Variants in CALN1 observed in about 807,000 individuals in gnomAD.
CALN1 encodes the protein calcium-binding protein 8.
A neutral mutation model predicts 30.6 loss-of-function variants in CALN1; 17 were observed. The ratio of observed to expected loss-of-function variants is 0.56; its 90% CI spans 0.38 to 0.83. The LOEUF (loss-of-function observed/expected upper bound fraction) is 0.83. Ranked by LOEUF, CALN1 falls within the 40% of genes least tolerant of loss-of-function variation. The probability of loss-of-function intolerance (pLI) is 0.00; values close to 1 mark genes in which losing one functional copy is unlikely to be tolerated. For synonymous variants in CALN1, 156 were observed against 131.4 expected, an observed-to-expected ratio of 1.19 and a Z score of -1.28; for missense variants, 291 against 354.9, an observed-to-expected ratio of 0.82 and a Z score of 1.45.
chr7:72,194,028 A>G (rs921720102), intron 3 of CALN1, among the ~76,000 whole-genome samples: 1 of 152,200 alleles, frequency 6.6e-6, no homozygotes, highest in East Asian at 1.9e-4. Context: ...TGATGGGTGC[A>G]CCAAAATCTC....
chr7:72,392,093 T>C (rs1805615705), intron 2 of CALN1, among the ~76,000 whole-genome samples: 1 of 152,226 alleles, frequency 6.6e-6, no homozygotes, highest in African/African-American at 2.4e-5. Context: ...TAGGATGCTC[T>C]TCTTACAACC....
intron 4 of CALN1, chr7:72,103,313 G>T: frequency 5.6e-6 from 1 of 178,746 alleles, no homozygotes; most frequent in Non-Finnish European, 1.2e-5. Context: ...AAGCTAGTCA[G>T]CTATGACTCT....
intron 3 of CALN1, among the ~76,000 whole-genome samples, chr7:72,117,010 G>C (rs1808032016): frequency 6.6e-6 from 1 of 152,098 alleles, no homozygotes; most frequent in South Asian, 2.1e-4. Flanking sequence ...CAGGTCGTAG[G>C]GGGATTAAAA....
At chr7:71,885,161 CTTT>C (rs963193767) in intron 5 of CALN1, among the ~76,000 whole-genome samples, 5 of 151,852 alleles carry the variant, frequency 3.3e-5, no homozygotes, top group Non-Finnish European at 7.4e-5. Context: ...TTTCTTTTTT[CTTT>C]TTTTTGAGAC....
intron 5 of CALN1, among the ~76,000 whole-genome samples, chr7:71,931,592 A>G (rs866551996): frequency 1.9e-4 from 29 of 152,340 alleles, no homozygotes; most frequent in Admixed American, 7.2e-4. Flanking sequence ...CTTGGGCCCT[A>G]CGAAAACAGG....
rs865959703 is a variant in CALN1, at chr7:71,847,743, G to A, written c.502-37251C>T. On this transcript the variant is annotated intron_variant, in intron 5 of 6. Coordinates refer to ENST00000395275, the MANE Select transcript of CALN1 (RefSeq NM_031468.4). ...AGAAGAAGAAAGAAGAAAGAAGAAA[G>A]AAGAAGAAAGAAGAAAGAAGAAGAA... Among the ~76,000 whole-genome samples, 141 of 94,580 alleles carry A rather than the reference G, an allele frequency of 1.5e-3. 1 individual carries two copies. Among genetic ancestry groups the A allele is most frequent in the African/African-American group, 5.6e-3 (139 of 24,754 alleles). The allele number at this position is 94,580 out of a possible 152,430, so 62.0% of individuals were successfully genotyped here. A position where few individuals can be genotyped will look rare whatever the true frequency, so the allele number is the denominator to read the frequency against.
chr7:71,974,696 G>A lies in CALN1; in HGVS notation c.501+48961C>T, dbSNP rs776098604. ...GCAAGTTCTGGGGAACAAACCATCC[G>A]CAGAGATGTCTGTGACTTGGAAAGT... On this transcript the variant is annotated intron_variant, in intron 5 of 6. Transcript: ENST00000395275. 5.3e-5 allele frequency among the ~76,000 whole-genome samples: 8 copies of A among 152,132 alleles called. No individual in the cohort carries two copies. The East Asian group carries it at 7.7e-4, about 15-fold the overall frequency.
At chr7:72,458,890 T>C in the CALN1 span, among the ~76,000 whole-genome samples, 1 of 143,062 alleles carries the variant, frequency 7.0e-6, no homozygotes, top group South Asian at 2.1e-4. Flanking sequence ...TTGTTTGTTT[T>C]GGTTTTTTTG....
At chr7:71,830,440 C>T (rs1392397590) in intron 5 of CALN1, among the ~76,000 whole-genome samples, 1 of 152,074 alleles carries the variant, frequency 6.6e-6, no homozygotes, top group African/African-American at 2.4e-5. Flanking sequence ...CTCTGCCGCC[C>T]AGGTTCAAGC....
At chr7:72,230,956 T>C (rs940966701) in intron 3 of CALN1, among the ~76,000 whole-genome samples, 1 of 152,146 alleles carries the variant, frequency 6.6e-6, no homozygotes, top group African/African-American at 2.4e-5. Context: ...TTCATGTGCA[T>C]GCCATTCCAA....
chr7:72,027,731 ACACAC>A (rs373025695), intron 4 of CALN1, among the ~76,000 whole-genome samples: 28,095 of 139,926 alleles, frequency 0.2, 3,280 homozygotes, highest in African/African-American at 0.38. Flanking sequence ...AAACAAACAC[ACACAC>A]ACACACACAC....
chr7:72,246,153 G>A (rs1273902183), intron 3 of CALN1, among the ~76,000 whole-genome samples: 1 of 152,110 alleles, frequency 6.6e-6, no homozygotes, highest in African/African-American at 2.4e-5. Context: ...TGGGTCTTGG[G>A]ATGAAGGAAT....
At chr7:71,845,336 A>G (rs1450901024) in intron 5 of CALN1, among the ~76,000 whole-genome samples, 1 of 152,258 alleles carries the variant, frequency 6.6e-6, no homozygotes, top group African/African-American at 2.4e-5. Flanking sequence ...TCTGCCAGAA[A>G]GCAAGAACTG....
chr7:72,494,933 A>C, the CALN1 span, among the ~76,000 whole-genome samples: 1 of 152,164 alleles, frequency 6.6e-6, no homozygotes, highest in African/African-American at 2.4e-5. Flanking sequence ...GGGCTGTGTG[A>C]GTGCCCTTAT....
In CALN1 at chr7:72,046,391, C is replaced by G. The variant is rs555126166; in HGVS notation, c.389-22622G>C. 2.0e-5 allele frequency among the ~76,000 whole-genome samples: 3 copies of G among 152,136 alleles called. No individual in the cohort carries two copies. In the South Asian group the frequency reaches 6.2e-4, roughly 32 times the overall value. ...GAGTAGCTGAGACTACAGGCACACA[C>G]CACCATGCCTAATTCATTTTTTAAT... On this transcript the variant is annotated intron_variant, in intron 4 of 6. Coordinates refer to ENST00000395275, the MANE Select transcript of CALN1 (RefSeq NM_031468.4).
intron 2 of CALN1, among the ~76,000 whole-genome samples, chr7:72,344,553 A>AATAT (rs560975780): frequency 7.5e-5 from 11 of 147,064 alleles, no homozygotes; most frequent in African/African-American, 2.7e-4. Context: ...TGAGGGGATA[A>AATAT]ATATATATAT....
At chr7:72,295,658 T>C (rs1462434017) in intron 2 of CALN1, among the ~76,000 whole-genome samples, 1 of 143,458 alleles carries the variant, frequency 7.0e-6, no homozygotes, top group Admixed American at 7.2e-5. Context: ...GATTTGGCTC[T>C]CTGTTTGTCT....
At chr7:72,180,590 T>C (rs1245298893) in intron 3 of CALN1, among the ~76,000 whole-genome samples, 1 of 148,994 alleles carries the variant, frequency 6.7e-6, no homozygotes, top group African/African-American at 2.4e-5. Flanking sequence ...TTTGAAATAC[T>C]GTTTATGCTT....
chr7:71,994,511 CAA>C (rs367725464), intron 5 of CALN1, among the ~76,000 whole-genome samples: 6 of 44,014 alleles, frequency 1.4e-4, no homozygotes, highest in Non-Finnish European at 1.4e-4. Flanking sequence ...GACTTCATCT[CAA>C]AAAAAAAAAA....
Sources: gnomAD v4.1 joint callset for allele counts (sites outside exome capture counted in the v4.1 genomes callset) on GRCh38, gnomAD v4.1.1 for gene constraint, MANE v1.5 for transcripts, NCBI Gene and HGNC (gene_info 2026-07-23, HGNC 2026-07-21) for gene names.